Variants in TRANK1 observed in about 807,000 individuals in gnomAD.
TRANK1 encodes the protein TPR and ankyrin repeat-containing protein 1.
A neutral mutation model predicts 266.0 loss-of-function variants in TRANK1; 198 were observed. The observed-to-expected ratio is 0.74, with a 90% CI of 0.66 to 0.84. The LOEUF (loss-of-function observed/expected upper bound fraction) is 0.84. TRANK1 is among the 40% of genes least tolerant of loss of function. The probability of loss-of-function intolerance (pLI) is 0.00; values close to 1 mark genes in which losing one functional copy is unlikely to be tolerated. For missense variants in TRANK1, 3,326 were observed against 3,634.6 expected, an observed-to-expected ratio of 0.92 and a Z score of 2.18; for synonymous variants, 1,396 against 1,384.1, an observed-to-expected ratio of 1.01 and a Z score of -0.19.
intron 1 of TRANK1, among the ~76,000 whole-genome samples, chr3:36,943,641 T>C (rs73826919): frequency 9.9e-5 from 15 of 151,942 alleles, no homozygotes; most frequent in African/African-American, 3.6e-4. Flanking sequence ...AGTACTTTTT[T>C]TTTTTTTCTA....
intron 1 of TRANK1, among the ~76,000 whole-genome samples, chr3:36,940,544 C>G (rs995645820): frequency 1.3e-5 from 2 of 151,922 alleles, no homozygotes; most frequent in Non-Finnish European, 2.9e-5. Context: ...GAGTGTCCCT[C>G]TCTTCCACCT....
At chr3:36,932,997 T>C (rs369508896) in intron 1 of TRANK1, among the ~76,000 whole-genome samples, 7 of 152,316 alleles carry the variant, frequency 4.6e-5, no homozygotes, top group East Asian at 3.9e-4. Context: ...TATTCTTTAA[T>C]TCATAGTACC....
Position 36,929,132 on chromosome 3 carries a change from T to C in TRANK1, c.23+15655A>G, listed in dbSNP as rs1439603368. ...CTTCTCTAACATTTTAAAATACATATTTATAAAACATTAATTTTTTTTTTT... is the reference window on the plus strand; with the variant it reads ...CTTCTCTAACATTTTAAAATACATACTTATAAAACATTAATTTTTTTTTTT... On this transcript the variant is annotated intron_variant, in intron 1 of 23. Transcript: ENST00000645898. Among the ~76,000 whole-genome samples, 6 of 149,298 alleles carry C rather than the reference T, an allele frequency of 4.0e-5. No homozygotes were observed. In the Admixed American group the frequency reaches 4.2e-4, roughly 10 times the overall value.
At position 36,884,473 on chromosome 3, in the gene TRANK1, C is replaced by G. The variant is rs561857056; in HGVS notation, c.907+5356G>C. On this transcript the variant is annotated intron_variant, in intron 8 of 23. Coordinates refer to ENST00000645898, the MANE Select transcript of TRANK1 (RefSeq NM_001329998.2). ...TTTTTGAAGGAACACAGGAGCCAGT[C>G]TGAAGGAGTGCCTTATGGCTAAAGC... 3.3e-5 allele frequency among the ~76,000 whole-genome samples: 5 copies of G among 152,270 alleles called. No homozygotes were observed. In the East Asian group the frequency reaches 9.6e-4, roughly 29 times the overall value.
chr3:36,875,022 A>C (rs572186094), intron 8 of TRANK1, among the ~76,000 whole-genome samples: 2 of 152,170 alleles, frequency 1.3e-5, no homozygotes, highest in Non-Finnish European at 2.9e-5. Flanking sequence ...AAAAAAAAAA[A>C]AGAATTAAGT....
At chr3:36,944,482 C>A (rs909488459) in intron 1 of TRANK1, among the ~76,000 whole-genome samples, 1 of 152,224 alleles carries the variant, frequency 6.6e-6, no homozygotes, top group Non-Finnish European at 1.5e-5. Context: ...CGGAGGTGGG[C>A]CCGAGAGCTG....
At chr3:36,902,372 CATT>C (rs1321047306) in intron 3 of TRANK1, among the ~76,000 whole-genome samples, 1 of 152,194 alleles carries the variant, frequency 6.6e-6, no homozygotes, top group African/African-American at 2.4e-5. Context: ...AGCAGTCACA[CATT>C]ATGTGTTGCT....
chr3:36,879,794 A>ATAAATATGTAAATATATG lies in TRANK1; in HGVS notation c.908-5499_908-5498insCATATATTTACATATTTA, dbSNP rs2079468918. On this transcript the variant is annotated intron_variant, in intron 8 of 23. Coordinates refer to ENST00000645898, the MANE Select transcript of TRANK1 (RefSeq NM_001329998.2). Reference sequence around the variant, plus strand: ...TAAATATATATAAATATGTAAATATATAAATATACAAATATATGTAAATAT... The same window carrying ATAAATATGTAAATATATG: ...TAAATATATATAAATATGTAAATATATAAATATGTAAATATATGTAAATATACAAATATATGTAAATAT... 3.2e-4 allele frequency among the ~76,000 whole-genome samples: 15 copies of ATAAATATGTAAATATATG among 47,080 alleles called. 4 individuals are homozygous for ATAAATATGTAAATATATG. The highest frequency in any genetic ancestry group is 1.2e-3 in the Admixed American group (4 of 3,438). The allele number at this position is 47,080 out of a possible 152,430, so 30.9% of individuals were successfully genotyped here.
rs1391129609 is a variant in TRANK1, at chr3:36,828,367, G to A, written c.8818C>T (p.Gln2940Ter). Residue 2940 changes from glutamine to a stop codon, truncating the protein, a stop_gained, in exon 24 of 24, where the codon CAG becomes TAG. Transcript: ENST00000645898. LOFTEE classifies it high-confidence loss of function. ...ACTTCATTTTCATAATCATCTTCCT[G>A]AACAATACCTGAAGAAAGAAAGAAG... ...ETRLKKEGIV[Q>*]EDDYENEVED... 7.3e-7 allele frequency: 1 copy of A among 1,372,856 alleles called. No homozygotes were observed. Among genetic ancestry groups the A allele is most frequent in the Non-Finnish European group, 9.7e-7 (1 of 1,030,456 alleles). 85.0% of individuals were successfully genotyped at this position (1,372,856 alleles called of 1,614,324 possible).
At chr3:36,924,576 T>C (rs6806158) in intron 1 of TRANK1, among the ~76,000 whole-genome samples, 94,434 of 151,980 alleles carry the variant, frequency 0.62, 29,809 homozygotes, top group African/African-American at 0.69. Context: ...TCAAATTAAC[T>C]TCCTCAGTCT....
chr3:36,881,316 G>A lies in TRANK1; in HGVS notation c.908-7020C>T, dbSNP rs1434613318. Reference sequence around the variant, plus strand: ...AAAATACAAAAATTAGCCAGGCATGGTGGCATGCGCCTGTAGTCCCAGATA... The same window carrying A: ...AAAATACAAAAATTAGCCAGGCATGATGGCATGCGCCTGTAGTCCCAGATA... On this transcript the variant is annotated intron_variant, in intron 8 of 23. Coordinates refer to ENST00000645898, the MANE Select transcript of TRANK1 (RefSeq NM_001329998.2). Among the ~76,000 whole-genome samples, 4 of 152,200 alleles carry A rather than the reference G, an allele frequency of 2.6e-5. No homozygotes were observed. In the East Asian group the frequency reaches 7.7e-4, roughly 29 times the overall value.
intron 1 of TRANK1, among the ~76,000 whole-genome samples, chr3:36,924,422 T>C (rs1410941468): frequency 6.6e-6 from 1 of 152,204 alleles, no homozygotes; most frequent in Non-Finnish European, 1.5e-5. Context: ...AGTCCCACCA[T>C]GGGACAAACC....
At chr3:36,851,892 GA>G in intron 14 of TRANK1, 36 bp from the exon 15 acceptor site, 1 of 1,558,094 alleles carries the variant, frequency 6.4e-7, no homozygotes, top group Admixed American at 2.0e-5. Context: ...ATTCTACAGA[GA>G]AAACCCCAGT....
At position 36,874,271 on chromosome 3, in the gene TRANK1, G is replaced by A. The variant is rs2079353791; in HGVS notation, c.933C>T (p.Leu311=). 2.0e-6 allele frequency: 3 copies of A among 1,537,002 alleles called. No homozygotes were observed. The highest frequency in any genetic ancestry group is 1.2e-5 in the South Asian group (1 of 84,054). Residue 311 remains leucine, a synonymous_variant, in exon 9 of 24, where the codon CTC becomes CTT. Coordinates refer to ENST00000645898, the MANE Select transcript of TRANK1 (RefSeq NM_001329998.2). Reference sequence around the variant, plus strand: ...AAGTGGGATCTGCCCCAAAGCGCAGGAGCATCTGCACATCCTCTGTTTGTC... The same window carrying A: ...AAGTGGGATCTGCCCCAAAGCGCAGAAGCATCTGCACATCCTCTGTTTGTC... ...VKRQTEDVQM[L]LRFGADPTLL... is the part of the protein sequence containing the mutation.
At chr3:36,876,471 AG>A (rs2079389484) in intron 8 of TRANK1, among the ~76,000 whole-genome samples, 1 of 152,242 alleles carries the variant, frequency 6.6e-6, no homozygotes, top group Non-Finnish European at 1.5e-5. Flanking sequence ...AAGACACACT[AG>A]GAGCTATTGG....
At chr3:36,889,993 T>C in intron 7 of TRANK1, 33 bp from the exon 8 acceptor site, 1 of 1,532,020 alleles carries the variant, frequency 6.5e-7, no homozygotes, top group Non-Finnish European at 8.7e-7. Flanking sequence ...ACTAATGTTT[T>C]CCACATACAG....
intron 8 of TRANK1, among the ~76,000 whole-genome samples, chr3:36,878,835 A>G (rs1224557000): frequency 6.6e-6 from 1 of 151,734 alleles, no homozygotes; most frequent in Non-Finnish European, 1.5e-5. Context: ...TTAAATGCCC[A>G]TTTAACTGTC....
At chr3:36,828,891 C>G (rs1390281196) in intron 23 of TRANK1, among the ~76,000 whole-genome samples, 2 of 152,172 alleles carry the variant, frequency 1.3e-5, no homozygotes, top group East Asian at 3.8e-4. Context: ...CAAGTCCCTT[C>G]AAGTTTTCCC....
chr3:36,832,179 G>A lies in TRANK1; in HGVS notation c.7404C>T (p.Ala2468=). Residue 2468 remains alanine (A), a synonymous_variant, in exon 22 of 24, where the codon GCC becomes GCT. Coordinates refer to ENST00000645898, the MANE Select transcript of TRANK1 (RefSeq NM_001329998.2). ...ATAGAATGACATTCTTCCAGAGGCG[G>A]GCCAGCACCACCCCACAGTGGATGA... ...FQFIHCGVVL[A]RLWKNVILCL... is the part of the protein sequence containing the mutation. 1 of 1,613,972 alleles carries A rather than the reference G, an allele frequency of 6.2e-7. No individual in the cohort carries two copies. The highest frequency in any genetic ancestry group is 1.1e-5 in the South Asian group (1 of 91,086).
Sources: gnomAD v4.1 joint callset for allele counts (sites outside exome capture counted in the v4.1 genomes callset) on GRCh38, gnomAD v4.1.1 for gene constraint, MANE v1.5 for transcripts, NCBI Gene and HGNC (gene_info 2026-07-23, HGNC 2026-07-21) for gene names.